SRGAP2: variants seen among roughly 807,000 people sequenced by gnomAD.
SRGAP2 encodes the protein SLIT-ROBO Rho GTPase activating protein 2.
A neutral mutation model predicts 57.2 loss-of-function variants in SRGAP2; 15 were observed. That is an observed-to-expected ratio of 0.26 (90% confidence interval 0.18 to 0.40). The LOEUF (loss-of-function observed/expected upper bound fraction) is 0.40, where lower values mean the gene tolerates loss of function less well. Among genes scored for constraint, SRGAP2 ranks in the 10% least tolerant of loss-of-function variants. The pLI is 1.00. For missense variants in SRGAP2, 520 were observed against 669.6 expected, an observed-to-expected ratio of 0.78 and a Z score of 2.47; for synonymous variants, 249 against 248.0, an observed-to-expected ratio of 1.00 and a Z score of -0.04.
At chr1:206,340,610 T>C (rs1675111807) in intron 3 of SRGAP2, among the ~76,000 whole-genome samples, 1 of 151,514 alleles carries the variant, frequency 6.6e-6, no homozygotes, top group African/African-American at 2.4e-5. Context: ...AAAGCATGCT[T>C]ACTGAGGACA....
chr1:206,326,664 C>T (rs571938956), intron 3 of SRGAP2, among the ~76,000 whole-genome samples: 163 of 152,378 alleles, frequency 1.1e-3, no homozygotes, highest in African/African-American at 3.6e-3. Context: ...AGTTTCCTCA[C>T]TCAGAAAATG....
intron 2 of SRGAP2, among the ~76,000 whole-genome samples, chr1:206,225,800 G>T (rs1667241707): frequency 6.6e-6 from 1 of 152,102 alleles, no homozygotes; most frequent in Non-Finnish European, 1.5e-5. Flanking sequence ...TGCCCTGTAG[G>T]GAAAGAGCAC....
In SRGAP2 at chr1:206,437,024, A is replaced by G. The variant is rs1661819508; in HGVS notation, c.1615A>G (p.Lys539Glu). 1.3e-6 allele frequency: 1 copy of G among 780,638 alleles called. No homozygotes were observed. Among genetic ancestry groups the G allele is most frequent in the African/African-American group, 1.7e-5 (1 of 59,124 alleles). 48.4% of individuals were successfully genotyped at this position (780,638 alleles called of 1,614,324 possible). ...SGSQVEVNDI[K>E]NAFERGEDPL... ...ATCCCAGGTGGAAGTGAATGACATC[A>G]AAAATGCCTTTGAGAGAGGTAAGGA... The change falls in exon 15 of 23, where the codon AAA becomes GAA. Residue 539 changes from lysine to glutamate, a missense_variant. Coordinates refer to ENST00000573034, the MANE Select transcript of SRGAP2 (RefSeq NM_015326.5).
At position 206,437,130 on chromosome 1, in the gene SRGAP2, G is replaced by A. The variant is rs1421562530; in HGVS notation, c.1633+88G>A. The A allele has an allele frequency of 6.5e-6, 5 of 764,758 alleles. No homozygotes were observed. In the Admixed American group the frequency reaches 6.9e-5, roughly 11 times the overall value. The allele number at this position is 764,758 out of a possible 1,614,324, so 47.4% of individuals were successfully genotyped here. On this transcript the variant is annotated intron_variant, in intron 15 of 22. Transcript: ENST00000573034. ...CCCTTTCTTCTCTAAGAGGTCCCCA[G>A]AGGTCAGGAAGCCAACTTCCCTGTC...
intron 13 of SRGAP2, among the ~76,000 whole-genome samples, chr1:206,425,665 G>T (rs1231648964): frequency 6.6e-6 from 1 of 152,146 alleles, no homozygotes; most frequent in African/African-American, 2.4e-5. Context: ...CTCCCAAGTA[G>T]CTGGGATTAC....
At chr1:206,248,639 A>C (rs1668644109) in intron 2 of SRGAP2, among the ~76,000 whole-genome samples, 1 of 152,100 alleles carries the variant, frequency 6.6e-6, no homozygotes, top group Non-Finnish European at 1.5e-5. Flanking sequence ...ACACTAGGTG[A>C]CAGAGATGAA....
chr1:206,452,702 CATG>C (rs1344060287), intron 19 of SRGAP2, among the ~76,000 whole-genome samples: 3 of 151,994 alleles, frequency 2.0e-5, no homozygotes, highest in Non-Finnish European at 4.4e-5. Context: ...TCCTGGCTAA[CATG>C]GTGAAACCCC....
At chr1:206,266,560 C>G (rs1669862671) in intron 2 of SRGAP2, among the ~76,000 whole-genome samples, 1 of 151,982 alleles carries the variant, frequency 6.6e-6, no homozygotes, top group African/African-American at 2.4e-5. Flanking sequence ...TTTTTTATTG[C>G]TTAAAATATG....
Position 206,461,706 on chromosome 1 carries a change from A to C in SRGAP2, c.*286A>C. The C allele has an allele frequency of 2.8e-6, 1 of 359,332 alleles. No individual in the cohort carries two copies. Among genetic ancestry groups the C allele is most frequent in the Non-Finnish European group, 5.1e-6 (1 of 197,188 alleles). The allele number at this position is 359,332 out of a possible 1,614,324, so 22.3% of individuals were successfully genotyped here. On this transcript the variant is annotated 3_prime_UTR_variant, in exon 23 of 23. Coordinates refer to ENST00000573034, the MANE Select transcript of SRGAP2 (RefSeq NM_015326.5). The stretch of plus-strand genomic sequence containing the variant: ...GTTTTCATTATCAGGTCACTGTGAA[A>C]TCTGGTAAGGCAGTCCTGAGGACAT...
In SRGAP2 at chr1:206,463,113, C is replaced by T. The variant is rs1259645709; in HGVS notation, c.*1693C>T. 6.6e-6 allele frequency: 1 copy of T among 151,444 alleles called. No homozygotes were observed. The highest frequency in any genetic ancestry group is 2.4e-5 in the African/African-American group (1 of 41,082). The allele number at this position is 151,444 out of a possible 1,614,324, so 9.4% of individuals were successfully genotyped here. On this transcript the variant is annotated 3_prime_UTR_variant, in exon 23 of 23. Transcript: ENST00000573034. The stretch of plus-strand genomic sequence containing the variant: ...AAGAGATTCTTTTTGGACCAACCTG[C>T]GAAATTGGTAGTTAGGTCTATGGAA...
chr1:206,273,115 C>CT (rs1670222346), intron 2 of SRGAP2, among the ~76,000 whole-genome samples: 1 of 152,042 alleles, frequency 6.6e-6, no homozygotes. Flanking sequence ...CTTTTTACGT[C>CT]TTAGAGTAGC....
chr1:206,439,056 G>C (rs1200009463), intron 16 of SRGAP2, among the ~76,000 whole-genome samples: 2 of 152,116 alleles, frequency 1.3e-5, no homozygotes, highest in Non-Finnish European at 2.9e-5. Context: ...CTTTTTCCGG[G>C]ACTGGGCCTA....
Position 206,461,484 on chromosome 1 carries a change from CT to C in SRGAP2, c.*65del, listed in dbSNP as rs1411236059. 1.5e-6 allele frequency: 1 copy of C among 666,772 alleles called. No homozygotes were observed. The highest frequency in any genetic ancestry group is 2.8e-6 in the Non-Finnish European group (1 of 362,662). The allele number at this position is 666,772 out of a possible 1,614,324, so 41.3% of individuals were successfully genotyped here. ...GGGACTGACTGTTATTAAAATCTTCCTATTTAACTAGCTTGGGGACTTCAGT... is the reference window on the plus strand; with the variant it reads ...GGGACTGACTGTTATTAAAATCTTCCATTTAACTAGCTTGGGGACTTCAGT... On this transcript the variant is annotated 3_prime_UTR_variant, in exon 23 of 23. Transcript: ENST00000573034.
At chr1:206,262,227 A>G (rs1669597592) in intron 2 of SRGAP2, among the ~76,000 whole-genome samples, 1 of 149,088 alleles carries the variant, frequency 6.7e-6, no homozygotes, top group Admixed American at 6.7e-5. Context: ...CCTCTTGGTC[A>G]AGTTATATAA....
At chr1:206,444,859 A>G (rs1455671895) in intron 17 of SRGAP2, among the ~76,000 whole-genome samples, 1 of 152,228 alleles carries the variant, frequency 6.6e-6, no homozygotes, top group Non-Finnish European at 1.5e-5. Flanking sequence ...TCTAGAGAAC[A>G]GTGATTCTCA....
At chr1:206,372,910 T>C (rs1324819759) in intron 4 of SRGAP2, among the ~76,000 whole-genome samples, 1 of 7,456 alleles carries the variant, frequency 1.3e-4, no homozygotes, top group African/African-American at 1.6e-3. Context: ...TTTCTTTCTT[T>C]CTTTCTTTCT....
At chr1:206,259,661 G>A (rs1219782596) in intron 2 of SRGAP2, among the ~76,000 whole-genome samples, 71 of 151,332 alleles carry the variant, frequency 4.7e-4, no homozygotes, top group Non-Finnish European at 8.8e-5. Flanking sequence ...CTATGGGTAG[G>A]TAGAAGTGTC....
chr1:206,411,207 G>T (rs1010571923), intron 10 of SRGAP2, among the ~76,000 whole-genome samples: 2 of 152,180 alleles, frequency 1.3e-5, no homozygotes, highest in Non-Finnish European at 2.9e-5. Flanking sequence ...TCTTTTATGG[G>T]GGATAGAACA....
intron 8 of SRGAP2, among the ~76,000 whole-genome samples, chr1:206,402,341 G>A (rs1658270887): frequency 6.6e-6 from 1 of 151,940 alleles, no homozygotes; most frequent in East Asian, 1.9e-4. Flanking sequence ...AGCCTCCAGT[G>A]ACTAGAATAA....
Sources: allele counts gnomAD v4.1 joint callset (sites outside exome capture counted in the v4.1 genomes callset), GRCh38; gene constraint gnomAD v4.1.1; transcripts MANE v1.5; gene names NCBI Gene and HGNC (gene_info 2026-07-23, HGNC 2026-07-21).